CEP126: variants seen among roughly 807,000 people sequenced by gnomAD.
CEP126 encodes the protein centrosomal protein of 126 kDa.
Under a neutral mutation model 107.8 loss-of-function variants are expected in CEP126, and 74 were observed. That is an observed-to-expected ratio of 0.69 (90% CI 0.57 to 0.83). CEP126 has a LOEUF of 0.83. CEP126 is among the 40% of genes least tolerant of loss of function. CEP126 has a pLI of 0.00. For synonymous variants in CEP126, 449 were observed against 446.0 expected (o/e 1.01, Z -0.08); for missense variants, 1,237 against 1,281.9 (o/e 0.96, Z 0.53).
rs567893469 is a variant in CEP126 at position 101,932,937 on chromosome 11, A to G, written c.248+10177A>G. Among the ~76,000 whole-genome samples the G allele has an allele frequency of 9.2e-5, 14 of 152,306 alleles. No homozygotes were observed. In the South Asian group the frequency reaches 2.9e-3, roughly 32 times the overall value. ...ACATTATTAAATACAAATAATAGAT[A>G]ACTGCTTTTAAAAGTGCTCTGATTA... On this transcript the variant is annotated intron_variant, in intron 2 of 10. Coordinates refer to ENST00000263468, the MANE Select transcript of CEP126 (RefSeq NM_020802.4).
At position 101,948,108 on chromosome 11, in the gene CEP126, C is replaced by T. The variant is rs1940763618; in HGVS notation, c.472C>T (p.Leu158Phe). 3 of 1,609,864 alleles carry T rather than the reference C, an allele frequency of 1.9e-6. No individual in the cohort carries two copies. Among genetic ancestry groups the T allele is most frequent in the South Asian group, 1.1e-5 (1 of 90,692 alleles). ...QESNLKSEVN[L>F]PFSRRPTINW... ...ATCCAACTTAAAATCAGAAGTAAAC[C>T]TTCCCTTTTCCCGTAGACCAACAAT... The change falls in exon 4 of 11, where the codon CTT becomes TTT. Residue 158 changes from leucine to phenylalanine, a missense_variant. By Grantham distance (22) the Leu-to-Phe change is conservative. Around this residue, in one of 3 missense-constraint regions of CEP126, gnomAD observed 1,134 missense variants for 1,150.5 expected, o/e 0.99. Coordinates refer to ENST00000263468, the MANE Select transcript of CEP126 (RefSeq NM_020802.4).
At chr11:101,929,974 C>CTTTTTTTTTTTTTT (rs60650996) in intron 2 of CEP126, among the ~76,000 whole-genome samples, 92 of 118,664 alleles carry the variant, frequency 7.8e-4, no homozygotes, top group African/African-American at 2.7e-3. Flanking sequence ...TTAGTTAGGA[C>CTTTTTTTTTTTTTT]TTTTTTTTTT....
chr11:101,951,209 GA>G (rs1940808121), intron 4 of CEP126, among the ~76,000 whole-genome samples: 1 of 152,126 alleles, frequency 6.6e-6, no homozygotes, highest in Non-Finnish European at 1.5e-5. Flanking sequence ...ACAAGTATAA[GA>G]ATTGAAGTAT....
intron 6 of CEP126, among the ~76,000 whole-genome samples, chr11:101,969,227 C>A (rs1277560376): frequency 5.3e-5 from 8 of 152,108 alleles, no homozygotes; most frequent in Non-Finnish European, 1.5e-5. Flanking sequence ...CACCTTGTTT[C>A]CCAGGCTGGT....
In CEP126 at chr11:101,997,792, T is replaced by A; in HGVS notation, c.*149T>A. 9.6e-7 allele frequency: 1 copy of A among 1,037,108 alleles called. No individual in the cohort carries two copies. Among genetic ancestry groups the A allele is most frequent in the Non-Finnish European group, 1.4e-6 (1 of 703,636 alleles). The allele number at this position is 1,037,108 out of a possible 1,614,324, so 64.2% of individuals were successfully genotyped here. A position where few individuals can be genotyped will look rare whatever the true frequency, so the allele number is the denominator to read the frequency against. ...CTCAGATTTTGTGAGCAGTGAAGTTTAACAGAGCAGTGACATTTAACAAAG... is the reference window on the plus strand; with the variant it reads ...CTCAGATTTTGTGAGCAGTGAAGTTAAACAGAGCAGTGACATTTAACAAAG... On this transcript the variant is annotated 3_prime_UTR_variant, in exon 11 of 11. Transcript: ENST00000263468.
chr11:101,969,487 C>T (rs960082044), intron 6 of CEP126, among the ~76,000 whole-genome samples: 5 of 152,156 alleles, frequency 3.3e-5, no homozygotes, highest in Admixed American at 6.5e-5. Flanking sequence ...TATGAAATAG[C>T]GGAGCAGGGG....
chr11:101,985,201 A>C (rs570009649), intron 8 of CEP126, among the ~76,000 whole-genome samples: 1 of 152,096 alleles, frequency 6.6e-6, no homozygotes, highest in South Asian at 2.1e-4. Flanking sequence ...CACCAACTTC[A>C]TTTCATGGAC....
At chr11:101,961,672 T>C in intron 5 of CEP126, 69 bp from the exon 6 acceptor site, 2 of 811,434 alleles carry the variant, frequency 2.5e-6, no homozygotes, top group Non-Finnish European at 3.9e-6. Context: ...GTAACAATGG[T>C]ATGTTGAATC....
intron 4 of CEP126, 76 bp from the exon 5 acceptor site, chr11:101,958,092 T>C: frequency 1.7e-6 from 2 of 1,193,736 alleles, no homozygotes; most frequent in Middle Eastern, 2.9e-4. Context: ...TTACACCTAA[T>C]GTGTCATGTA....
chr11:101,963,033 A>C lies in CEP126; in HGVS notation c.1998A>C (p.Gln666His). 1 of 1,614,130 alleles carries C rather than the reference A, an allele frequency of 6.2e-7. No homozygotes were observed. The change falls in exon 6 of 11, where the codon CAA becomes CAC. Residue 666 changes from glutamine to histidine, a missense_variant. Gln to His is a conservative substitution (Grantham distance 24, BLOSUM62 0). This residue lies in a region of CEP126 where 1,134 missense variants were observed against 1,150.5 expected (regional missense o/e 0.99). Coordinates refer to ENST00000263468, the MANE Select transcript of CEP126 (RefSeq NM_020802.4). ...AGCATTCTCAACAATTCCACATTCA[A>C]AGTGGTGCTGGAAGCAACATAATTA... ...TQQHSQQFHIQSGAGSNIISV... is the reference protein window; with the variant it reads ...TQQHSQQFHIHSGAGSNIISV...
At chr11:101,937,939 G>A (rs1233759499) in intron 2 of CEP126, among the ~76,000 whole-genome samples, 2 of 151,202 alleles carry the variant, frequency 1.3e-5, no homozygotes, top group African/African-American at 4.9e-5. Context: ...GGATCATGAG[G>A]TCAGGAGATC....
At chr11:101,980,448 AT>A (rs1307445283) in intron 7 of CEP126, among the ~76,000 whole-genome samples, 1 of 152,000 alleles carries the variant, frequency 6.6e-6, no homozygotes, top group East Asian at 1.9e-4. Flanking sequence ...GTCTTATTCT[AT>A]TTTTCTGTCT....
rs191152539 is a variant in CEP126 at position 101,949,872 on chromosome 11, G to A, written c.506+1730G>A. On this transcript the variant is annotated intron_variant, in intron 4 of 10. Coordinates refer to ENST00000263468, the MANE Select transcript of CEP126 (RefSeq NM_020802.4). ...AAGAGCTATACTGTAGAAGAAGGAC[G>A]CTGGACAGGTCCTGTGGTCCTAGGG... Among the ~76,000 whole-genome samples, 59 of 152,280 alleles carry A rather than the reference G, an allele frequency of 3.9e-4. 1 individual carries two copies. The highest frequency in any genetic ancestry group is 2.1e-4 in the South Asian group (1 of 4,824).
chr11:101,986,172 G>A (rs1816786), intron 8 of CEP126, among the ~76,000 whole-genome samples: 1 of 151,954 alleles, frequency 6.6e-6, no homozygotes, highest in Non-Finnish European at 1.5e-5. Flanking sequence ...TAGTACAGAC[G>A]AGGTTTCACC....
rs540213293 is a variant in CEP126 at position 101,982,599 on chromosome 11, A to G, written c.3034+635A>G. On this transcript the variant is annotated intron_variant, in intron 8 of 10. Coordinates refer to ENST00000263468, the MANE Select transcript of CEP126 (RefSeq NM_020802.4). ...ACTGATGTCTGCAAATTATTTAGCT[A>G]TGAAGGATTCTAATTCTTATATTAG... is the stretch of plus-strand genomic sequence containing the variant. Among the ~76,000 whole-genome samples, 11 of 152,306 alleles carry G rather than the reference A, an allele frequency of 7.2e-5. No homozygotes were observed. In the South Asian group the frequency reaches 2.1e-3, roughly 29 times the overall value.
chr11:101,964,649 AC>A (rs35921221), intron 6 of CEP126, among the ~76,000 whole-genome samples: 39,771 of 149,886 alleles, frequency 0.27, 5,270 homozygotes, highest in South Asian at 0.35. Context: ...AAAAAAAAAA[AC>A]AACAACAACA....
intron 6 of CEP126, among the ~76,000 whole-genome samples, chr11:101,977,397 A>G (rs1941203027): frequency 6.6e-6 from 1 of 151,878 alleles, no homozygotes; most frequent in South Asian, 2.1e-4. Flanking sequence ...CTTTGGGAGG[A>G]CGAGGCGGGC....
In CEP126 at chr11:101,962,922, A is replaced by G; in HGVS notation, c.1887A>G (p.Lys629=). The G allele has an allele frequency of 6.2e-7, 1 of 1,610,296 alleles. No individual in the cohort carries two copies. The highest frequency in any genetic ancestry group is 8.5e-7 in the Non-Finnish European group (1 of 1,179,062). Residue 629 remains lysine (K), a synonymous_variant, in exon 6 of 11, where the codon AAA becomes AAG. Coordinates refer to ENST00000263468, the MANE Select transcript of CEP126 (RefSeq NM_020802.4). The stretch of plus-strand genomic sequence containing the variant: ...CAGAAATTCCAAAGACCATTAAAAA[A>G]CTGAGGTGGTTTGATGAAACTAGCA... ...KGAEIPKTIK[K]LRWFDETSNI...
At position 101,963,293 on chromosome 11, in the gene CEP126, G is replaced by A; in HGVS notation, c.2258G>A (p.Arg753Lys). Reference sequence around the variant, plus strand: ...AAGCAAGGTAAGCCACAAAGAGGTAGAGCAAAAATAATTAGAAAACCAGGA... The same window carrying A: ...AAGCAAGGTAAGCCACAAAGAGGTAAAGCAAAAATAATTAGAAAACCAGGA... ...KTKQGKPQRGRAKIIRKPGSA... is the reference protein window; with the variant it reads ...KTKQGKPQRGKAKIIRKPGSA... Residue 753 changes from arginine to lysine, a missense_variant, in exon 6 of 11, where the codon AGA (arginine) becomes AAA (lysine). By Grantham distance (26) the Arg-to-Lys change is conservative (BLOSUM62 2). Coordinates refer to ENST00000263468, the MANE Select transcript of CEP126 (RefSeq NM_020802.4). The A allele has an allele frequency of 6.2e-7, 1 of 1,613,914 alleles. No homozygotes were observed. Among genetic ancestry groups the A allele is most frequent in the South Asian group, 1.1e-5 (1 of 91,054 alleles).
Sources: gnomAD v4.1 joint callset for allele counts (sites outside exome capture counted in the v4.1 genomes callset) on GRCh38, gnomAD v4.1.1 for gene constraint, gnomAD v4.1.1 regional missense constraint, MANE v1.5 for transcripts, NCBI Gene and HGNC (gene_info 2026-07-23, HGNC 2026-07-21) for gene names.